LINC00305: variants seen among roughly 807,000 people sequenced by gnomAD.
LINC00305 encodes long intergenic non-protein coding RNA 305.
At chr18:64,140,957 G>A (rs752781771) in intron 1 of LINC00305, among the ~76,000 whole-genome samples, 6 of 151,146 alleles carry the variant, frequency 4.0e-5, no homozygotes, top group African/African-American at 9.7e-5. Context: ...CTTTGGAAGC[G>A]GAGAGTGGCC....
chr18:64,087,935 C>CA (rs57249097), intron 3 of LINC00305, among the ~76,000 whole-genome samples: 17,446 of 147,918 alleles, frequency 0.12, 1,206 homozygotes, highest in African/African-American at 0.18. Flanking sequence ...CCCAAAACTA[C>CA]AAAAAAAAAC....
intron 1 of LINC00305, among the ~76,000 whole-genome samples, chr18:64,121,761 C>T (rs2051363030): frequency 6.6e-6 from 1 of 152,092 alleles, no homozygotes; most frequent in African/African-American, 2.4e-5. Flanking sequence ...TTTGAGAAAT[C>T]ACCATGCTGT....
intron 1 of LINC00305, chr18:64,103,990 C>T (rs550845269): frequency 8.5e-5 from 13 of 152,268 alleles, no homozygotes; most frequent in African/African-American, 3.1e-4. Flanking sequence ...TATGTCAATC[C>T]ATGACTTGCG....
intron 1 of LINC00305, among the ~76,000 whole-genome samples, chr18:64,131,107 G>A (rs1568115940): frequency 6.6e-6 from 1 of 152,110 alleles, no homozygotes; most frequent in East Asian, 1.9e-4. Flanking sequence ...GTGCTATTAT[G>A]TAGAAGCCCT....
Position 64,087,817 on chromosome 18 carries a change from C to A in LINC00305, n.541-7415G>T, listed in dbSNP as rs193161889. ...AGAAATTCAGAGAGAAGCAGCCAGG[C>A]GTGCTGGCTCACGCCTGTAATCCCA... On this transcript the variant is annotated intron_variant and non_coding_transcript_variant, in intron 3 of 3. Coordinates refer to ENST00000666468, the Ensembl canonical transcript of LINC00305. Among the ~76,000 whole-genome samples the A allele has an allele frequency of 3.7e-3, 570 of 152,120 alleles. 4 individuals are homozygous for A. The highest frequency in any genetic ancestry group is 0.023 in the South Asian group (112 of 4,822).
At chr18:64,148,888 T>G (rs1270580262) in exon 1 of LINC00305, 1 of 152,360 alleles carries the variant, frequency 6.6e-6, no homozygotes, top group Non-Finnish European at 1.5e-5. Flanking sequence ...GCTGGATTTG[T>G]ACTTGTGCCA....
At chr18:64,123,053 C>A (rs887312780) in intron 1 of LINC00305, among the ~76,000 whole-genome samples, 5 of 152,074 alleles carry the variant, frequency 3.3e-5, no homozygotes, top group African/African-American at 1.2e-4. Context: ...CTGCTGAATT[C>A]ATTTATCAAA....
rs1028121977 is a variant in LINC00305 at position 64,110,494 on chromosome 18, T to A, written n.315-11854A>T. 2.0e-5 allele frequency among the ~76,000 whole-genome samples: 3 copies of A among 152,176 alleles called. 1 individual carries two copies. The South Asian group carries it at 6.2e-4, about 32-fold the overall frequency. ...CTAGACTGACAGTACTATAGAGGAA[T>A]AGTAGCATAGAAAGGTAAATTGGAA... On this transcript the variant is annotated intron_variant and non_coding_transcript_variant, in intron 1 of 3. Transcript: ENST00000666468.
intron 1 of LINC00305, among the ~76,000 whole-genome samples, chr18:64,131,293 A>C (rs558924087): frequency 1.2e-4 from 19 of 152,340 alleles, no homozygotes; most frequent in African/African-American, 3.8e-4. Context: ...TTATCATTTT[A>C]GATTATAATG....
At chr18:64,084,695 G>C (rs10503085) in intron 3 of LINC00305, among the ~76,000 whole-genome samples, 2 of 152,198 alleles carry the variant, frequency 1.3e-5, no homozygotes, top group Non-Finnish European at 2.9e-5. Flanking sequence ...TGCAGGGTTC[G>C]TGCATCCAAA....
At chr18:64,143,644 T>C (rs1373605529) in intron 1 of LINC00305, among the ~76,000 whole-genome samples, 11 of 140,192 alleles carry the variant, frequency 7.8e-5, no homozygotes, top group African/African-American at 3.2e-4. Context: ...GTATTATGTA[T>C]ACATATGTAT....
At position 64,120,178 on chromosome 18, in the gene LINC00305, G is replaced by C. The variant is rs1242375718; in HGVS notation, n.315-21538C>G. Among the ~76,000 whole-genome samples the C allele has an allele frequency of 3.3e-5, 5 of 152,222 alleles. No individual in the cohort carries two copies. In the East Asian group the frequency reaches 9.7e-4, roughly 29 times the overall value. ...AAAAGCTTACCTGTTAAATTTCCCA[G>C]CCTGATGTGGAGCATAATTAGCAGA... On this transcript the variant is annotated intron_variant and non_coding_transcript_variant, in intron 1 of 3. Coordinates refer to ENST00000666468, the Ensembl canonical transcript of LINC00305.
chr18:64,110,615 G>A (rs1398027971), intron 1 of LINC00305, among the ~76,000 whole-genome samples: 2 of 152,156 alleles, frequency 1.3e-5, no homozygotes, highest in African/African-American at 2.4e-5. Context: ...AGGACTTGGG[G>A]ATCTTCTTTT....
chr18:64,097,879 T>A (rs771698344), exon 3 of LINC00305: 2 of 458,190 alleles, frequency 4.4e-6, no homozygotes, highest in South Asian at 3.1e-5. Flanking sequence ...CTAACCACTG[T>A]CTTCTGACGC....
In LINC00305 at chr18:64,138,326, T is replaced by C. The variant is rs189324379; in HGVS notation, n.314+10449A>G. The stretch of plus-strand genomic sequence containing the variant: ...CTGTAGTCTTTCTGTCTGCCTACTA[T>C]TATTTGAATTTGATTCACCAAAGAA... On this transcript the variant is annotated intron_variant and non_coding_transcript_variant, in intron 1 of 3. Transcript: ENST00000666468. 6.6e-3 allele frequency among the ~76,000 whole-genome samples: 1,005 copies of C among 152,326 alleles called. 7 individuals carry two copies. Among genetic ancestry groups the C allele is most frequent in the African/African-American group, 0.023 (971 of 41,572 alleles).
At chr18:64,108,674 G>A (rs1236145984) in intron 1 of LINC00305, among the ~76,000 whole-genome samples, 1 of 152,186 alleles carries the variant, frequency 6.6e-6, no homozygotes, top group Non-Finnish European at 1.5e-5. Context: ...ACAGCCCCTA[G>A]GGTGGAGGTC....
intron 1 of LINC00305, among the ~76,000 whole-genome samples, chr18:64,118,815 C>T (rs2144256856): frequency 7.1e-6 from 1 of 140,392 alleles, no homozygotes; most frequent in African/African-American, 2.7e-5. Flanking sequence ...TGATCAAGAC[C>T]CTGGGGGTCT....
At chr18:64,121,707 C>A (rs2051362833) in intron 1 of LINC00305, among the ~76,000 whole-genome samples, 2 of 152,052 alleles carry the variant, frequency 1.3e-5, no homozygotes, top group Admixed American at 6.6e-5. Flanking sequence ...CATAGACACC[C>A]AATAACGGGA....
intron 1 of LINC00305, among the ~76,000 whole-genome samples, chr18:64,114,894 G>A (rs1362374765): frequency 2.6e-5 from 4 of 152,202 alleles, no homozygotes; most frequent in East Asian, 1.9e-4. Context: ...AAGATAGTGA[G>A]TGTTGTGATG....
Sources: allele counts gnomAD v4.1 joint callset (sites outside exome capture counted in the v4.1 genomes callset), GRCh38; gene constraint gnomAD v4.1.1; transcripts MANE v1.5; gene names NCBI Gene and HGNC (gene_info 2026-07-23, HGNC 2026-07-21).